BRAF: variants seen among roughly 807,000 people sequenced by gnomAD.
BRAF encodes serine/threonine-protein kinase B-raf.
A neutral mutation model predicts 104.6 loss-of-function variants in BRAF; 16 were observed. The ratio of observed to expected loss-of-function variants is 0.15; its 90% CI spans 0.10 to 0.23. BRAF has a LOEUF of 0.23. Ranked by LOEUF, BRAF falls within the 10% of genes least tolerant of loss-of-function variation. The probability of loss-of-function intolerance (pLI) is 1.00; values close to 1 mark genes in which losing one functional copy is unlikely to be tolerated. For synonymous variants in BRAF, 310 were observed against 341.6 expected (o/e 0.91, Z 1.02); for missense variants, 541 against 937.3 (o/e 0.58, Z 5.52).
At chr7:140,892,194 T>C (rs1814306341) in intron 1 of BRAF, among the ~76,000 whole-genome samples, 1 of 152,038 alleles carries the variant, frequency 6.6e-6, no homozygotes, top group Non-Finnish European at 1.5e-5. Flanking sequence ...AGGTGGAGGT[T>C]GCAGTGAGCC....
intron 1 of BRAF, among the ~76,000 whole-genome samples, chr7:140,920,996 C>A (rs533024388): frequency 6.6e-6 from 1 of 152,250 alleles, no homozygotes; most frequent in South Asian, 2.1e-4. Flanking sequence ...ATACAGTGGA[C>A]CTCATTATAA....
chr7:140,747,279 A>G (rs1367059676), intron 17 of BRAF: 1 of 636,158 alleles, frequency 1.6e-6, no homozygotes, highest in East Asian at 1.1e-4. Flanking sequence ...CTTCTTCTCC[A>G]TTAAATACTT....
chr7:140,779,592 A>G (rs1358242831), intron 12 of BRAF, among the ~76,000 whole-genome samples: 2 of 152,226 alleles, frequency 1.3e-5, no homozygotes, highest in Admixed American at 6.5e-5. Context: ...CAGCACTCAG[A>G]AAGTTTTGGA....
intron 3 of BRAF, among the ~76,000 whole-genome samples, chr7:140,810,845 C>G (rs1315553374): frequency 6.6e-6 from 1 of 152,220 alleles, no homozygotes; most frequent in Non-Finnish European, 1.5e-5. Flanking sequence ...AACAGTGAAG[C>G]TTTCTCTTGC....
rs1795506290 is a variant in BRAF at position 140,724,718 on chromosome 7, A to G, written c.*1776T>C. 9.7e-7 allele frequency: 1 copy of G among 1,033,034 alleles called. No homozygotes were observed. Among genetic ancestry groups the G allele is most frequent in the South Asian group, 4.6e-5 (1 of 21,716 alleles). The allele number at this position is 1,033,034 out of a possible 1,614,324, so 64.0% of individuals were successfully genotyped here. The stretch of plus-strand genomic sequence containing the variant: ...TACAATCTGAAATTTTTAAATAACA[A>G]TTTCTAATTCCTTGATTTATTCTGG... On this transcript the variant is annotated 3_prime_UTR_variant, in exon 20 of 20. Coordinates refer to ENST00000644969, the MANE Select transcript of BRAF (RefSeq NM_001374258.1).
In BRAF at chr7:140,905,905, G is replaced by A. The variant is rs563702666; in HGVS notation, c.138+18661C>T. On this transcript the variant is annotated intron_variant, in intron 1 of 19. Coordinates refer to ENST00000644969, the MANE Select transcript of BRAF (RefSeq NM_001374258.1). ...AGATCGAGACCATCCCGGCTAAAAC[G>A]GTGAAACCCCGTCTCTACTAAAAAT... Among the ~76,000 whole-genome samples the A allele has an allele frequency of 7.6e-3, 1,149 of 150,460 alleles. 18 individuals are homozygous for A. Among genetic ancestry groups the A allele is most frequent in the African/African-American group, 0.027 (1,085 of 40,806 alleles).
In BRAF at chr7:140,879,550, T is replaced by TA. The variant is rs71170768; in HGVS notation, c.139-29339dup. Reference sequence around the variant, plus strand: ...CTAGTAATGTCCAATAGCATTATTCTAAAAAAAAAAAAAAAAAAAAGCACA... The same window carrying TA: ...CTAGTAATGTCCAATAGCATTATTCTAAAAAAAAAAAAAAAAAAAAAGCACA... On this transcript the variant is annotated intron_variant, in intron 1 of 19. Transcript: ENST00000644969. Among the ~76,000 whole-genome samples, 188 of 121,674 alleles carry TA rather than the reference T, an allele frequency of 1.5e-3. 1 individual carries two copies. The highest frequency in any genetic ancestry group is 6.1e-3 in the South Asian group (22 of 3,634). 79.8% of individuals were successfully genotyped at this position (121,674 alleles called of 152,430 possible).
intron 1 of BRAF, among the ~76,000 whole-genome samples, chr7:140,857,937 C>T (rs1809985578): frequency 6.6e-6 from 1 of 152,172 alleles, no homozygotes; most frequent in Non-Finnish European, 1.5e-5. Flanking sequence ...GGGATTATTA[C>T]ACCCTTAGAA....
At chr7:140,762,651 G>T (rs1034015182) in intron 14 of BRAF, among the ~76,000 whole-genome samples, 1 of 141,244 alleles carries the variant, frequency 7.1e-6, no homozygotes, top group East Asian at 2.0e-4. Context: ...GGTGTTTCTC[G>T]CAGAGGGGTA....
chr7:140,864,746 C>T (rs909700788), intron 1 of BRAF, among the ~76,000 whole-genome samples: 5 of 152,058 alleles, frequency 3.3e-5, no homozygotes, highest in African/African-American at 1.2e-4. Context: ...TTGGTCATTC[C>T]TATTTACATA....
At chr7:140,822,610 C>T (rs1805605673) in intron 3 of BRAF, among the ~76,000 whole-genome samples, 1 of 152,244 alleles carries the variant, frequency 6.6e-6, no homozygotes, top group African/African-American at 2.4e-5. Context: ...TGTGCATTAG[C>T]AGTTCATTCC....
chr7:140,845,825 G>A (rs948732652), intron 2 of BRAF, among the ~76,000 whole-genome samples: 3 of 151,936 alleles, frequency 2.0e-5, no homozygotes, highest in African/African-American at 7.3e-5. Flanking sequence ...TTACAGGTGC[G>A]CACCACTACA....
chr7:140,797,247 G>C (rs1802586647), intron 7 of BRAF, among the ~76,000 whole-genome samples: 1 of 152,108 alleles, frequency 6.6e-6, no homozygotes, highest in Non-Finnish European at 1.5e-5. Context: ...TAAAAGTTTT[G>C]AAAACTTTGG....
chr7:140,892,403 A>G (rs1814345089), intron 1 of BRAF, among the ~76,000 whole-genome samples: 1 of 152,262 alleles, frequency 6.6e-6, no homozygotes, highest in African/African-American at 2.4e-5. Flanking sequence ...CAATTCAGAT[A>G]CTTTTTAGAT....
intron 1 of BRAF, among the ~76,000 whole-genome samples, chr7:140,888,576 C>A (rs1018750053): frequency 1.3e-5 from 2 of 152,154 alleles, no homozygotes; most frequent in African/African-American, 4.8e-5. Flanking sequence ...GTGGCTCACA[C>A]CTGTAATACC....
intron 1 of BRAF, among the ~76,000 whole-genome samples, chr7:140,873,421 C>T (rs2129095718): frequency 1.3e-5 from 2 of 152,238 alleles, no homozygotes; most frequent in East Asian, 1.9e-4. Flanking sequence ...CCATCTGCCT[C>T]GGCCTCCCAA....
chr7:140,922,482 T>C (rs1818332603), intron 1 of BRAF, among the ~76,000 whole-genome samples: 1 of 152,214 alleles, frequency 6.6e-6, no homozygotes, highest in Non-Finnish European at 1.5e-5. Context: ...CAAACGGTTC[T>C]AATAACTCTG....
chr7:140,750,437 C>T (rs1797696050), intron 16 of BRAF, among the ~76,000 whole-genome samples: 1 of 152,158 alleles, frequency 6.6e-6, no homozygotes, highest in South Asian at 2.1e-4. Flanking sequence ...CCAGACTACA[C>T]TCCAGTCCAA....
chr7:140,878,783 G>T (rs534309370), intron 1 of BRAF, among the ~76,000 whole-genome samples: 11 of 152,248 alleles, frequency 7.2e-5, no homozygotes, highest in African/African-American at 2.6e-4. Context: ...AAGGTGATGG[G>T]TATCCCAATC....
Sources: allele counts gnomAD v4.1 joint callset (sites outside exome capture counted in the v4.1 genomes callset), GRCh38; gene constraint gnomAD v4.1.1; transcripts MANE v1.5; gene names NCBI Gene and HGNC (gene_info 2026-07-23, HGNC 2026-07-21).